The following RBM15B variants were observed in gnomAD, a reference collection of about 807,000 sequenced individuals.
RBM15B encodes the protein putative RNA-binding protein 15B.
Under a neutral mutation model 53.3 loss-of-function variants are expected in RBM15B, and 11 were observed. The observed-to-expected ratio is 0.21, with a 90% CI of 0.13 to 0.34. The LOEUF (loss-of-function observed/expected upper bound fraction) is 0.34, where lower values mean the gene tolerates loss of function less well. Among genes scored for constraint, RBM15B ranks in the 10% least tolerant of loss-of-function variants. The probability of loss-of-function intolerance (pLI) is 1.00; values close to 1 mark genes in which losing one functional copy is unlikely to be tolerated. For synonymous variants in RBM15B, 631 were observed against 540.7 expected (o/e 1.17, Z -2.32); for missense variants, 1,136 against 1,250.3 (o/e 0.91, Z 1.38).
rs2089098374 is a variant in RBM15B, at chr3:51,394,263, C to T, written c.*191C>T. 1.3e-6 allele frequency: 1 copy of T among 747,646 alleles called. No individual in the cohort carries two copies. The highest frequency in any genetic ancestry group is 1.9e-6 in the Non-Finnish European group (1 of 534,866). The allele number at this position is 747,646 out of a possible 1,614,324, so 46.3% of individuals were successfully genotyped here. On this transcript the variant is annotated 3_prime_UTR_variant, in exon 1 of 1. Coordinates refer to ENST00000563281, the MANE Select transcript of RBM15B (RefSeq NM_013286.5). ...ATTTTGGGGGATTTTTTTTTTTAAA[C>T]GATGAGAAGGGAATCCGGTTATGTT...
In RBM15B at chr3:51,392,513, G is replaced by A. The variant is rs1447625436; in HGVS notation, c.1114G>A (p.Ala372Thr). Residue 372 changes from alanine (A) to threonine (T), a missense_variant, in exon 1 of 1, where the codon GCC (alanine) becomes ACC (threonine). By Grantham distance (58) the Ala-to-Thr change is moderately conservative. This residue lies in a region of RBM15B where 40 missense variants were observed against 74.2 expected (regional missense o/e 0.54). Coordinates refer to ENST00000563281, the MANE Select transcript of RBM15B (RefSeq NM_013286.5). The surrounding 1 kb of genome is among the most constrained non-coding windows in gnomAD (Gnocchi z 7.5). ...CGAGGAGGTGGTCATCAAGAGGCCT[G>A]CCCGTGGCCAGGGCGGTGCCTATGC... Reference protein sequence around the residue: ...IIEEVVIKRPARGQGGAYAFL... With the variant: ...IIEEVVIKRPTRGQGGAYAFL... 2.2e-5 allele frequency: 35 copies of A among 1,613,886 alleles called. No homozygotes were observed. The highest frequency in any genetic ancestry group is 2.8e-5 in the Non-Finnish European group (33 of 1,180,026).
At position 51,394,547 on chromosome 3, in the gene RBM15B, C is replaced by T. The variant is rs528536092; in HGVS notation, c.*475C>T. ...CAATTCTTCAGGCTCAGTCTGGACT[C>T]TACTTACACTCATTTTTATCTTGGC... On this transcript the variant is annotated 3_prime_UTR_variant, in exon 1 of 1. Coordinates refer to ENST00000563281, the MANE Select transcript of RBM15B (RefSeq NM_013286.5). 1.2e-5 allele frequency: 2 copies of T among 163,680 alleles called. No homozygotes were observed. Among genetic ancestry groups the T allele is most frequent in the East Asian group, 4.5e-4 (2 of 4,410 alleles). 10.1% of individuals were successfully genotyped at this position (163,680 alleles called of 1,614,324 possible).
In RBM15B at chr3:51,395,713, T is replaced by G. The variant is rs2089156481; in HGVS notation, c.*1641T>G. On this transcript the variant is annotated 3_prime_UTR_variant, in exon 1 of 1. Coordinates refer to ENST00000563281, the MANE Select transcript of RBM15B (RefSeq NM_013286.5). ...AGGATAAGGTAGCATGAGTGACACC[T>G]GAGATTAGAGGCTGGGGCTCACTGC... is the stretch of plus-strand genomic sequence containing the variant. 1.8e-4 allele frequency: 72 copies of G among 409,400 alleles called. No individual in the cohort carries two copies. The highest frequency in any genetic ancestry group is 1.9e-4 in the Non-Finnish European group (42 of 223,838). 25.4% of individuals were successfully genotyped at this position (409,400 alleles called of 1,614,324 possible).
At position 51,395,870 on chromosome 3, in the gene RBM15B, A is replaced by ATGTT. The variant is rs2089167296; in HGVS notation, c.*1799_*1802dup. ...CATAACAAAACAGCAACACAAAGAC[A>ATGTT]TGTTAAGCATGTTTATTTATTTGCC... On this transcript the variant is annotated 3_prime_UTR_variant, in exon 1 of 1. Coordinates refer to ENST00000563281, the MANE Select transcript of RBM15B (RefSeq NM_013286.5). 2.4e-6 allele frequency: 1 copy of ATGTT among 413,402 alleles called. No homozygotes were observed. Among genetic ancestry groups the ATGTT allele is most frequent in the Admixed American group, 4.4e-5 (1 of 22,726 alleles). 25.6% of individuals were successfully genotyped at this position (413,402 alleles called of 1,614,324 possible).
At position 51,392,024 on chromosome 3, in the gene RBM15B, G is replaced by C. The variant is rs782452004; in HGVS notation, c.625G>C (p.Asp209His). 3 of 1,597,680 alleles carry C rather than the reference G, an allele frequency of 1.9e-6. No homozygotes were observed. The highest frequency in any genetic ancestry group is 2.5e-6 in the Non-Finnish European group (3 of 1,178,330). The stretch of plus-strand genomic sequence containing the variant: ...CCTGGCCCGGCAGCTGCTGCTCTAC[G>C]ACCGCCCGCTCAAGGTAGAGCCCGT... ...HALARQLLLY[D>H]RPLKVEPVYL... The change falls in exon 1 of 1, where the codon GAC (aspartate) becomes CAC (histidine). Residue 209 changes from aspartate (D) to histidine (H), a missense_variant. This residue lies in a region of RBM15B where 204 missense variants were observed against 196.8 expected (regional missense o/e 1.04). Coordinates refer to ENST00000563281, the MANE Select transcript of RBM15B (RefSeq NM_013286.5). The surrounding 1 kb of genome is among the most constrained non-coding windows in gnomAD (Gnocchi z 7.5).
rs1477268039 is a variant in RBM15B, at chr3:51,397,413, A to G, written c.*3341A>G. On this transcript the variant is annotated 3_prime_UTR_variant, in exon 1 of 1. Coordinates refer to ENST00000563281, the MANE Select transcript of RBM15B (RefSeq NM_013286.5). ...CAGGATGCTCAAGTCCACTGTCACA[A>G]TCCCTTTCAGAAAACATTAGTGGCC... is the stretch of plus-strand genomic sequence containing the variant. The G allele has an allele frequency of 6.0e-6, 1 of 167,078 alleles. No homozygotes were observed. Among genetic ancestry groups the G allele is most frequent in the African/African-American group, 2.4e-5 (1 of 41,442 alleles). The allele number at this position is 167,078 out of a possible 1,614,324, so 10.3% of individuals were successfully genotyped here.
Position 51,395,263 on chromosome 3 carries a change from A to AAAT in RBM15B, c.*1195_*1197dup, listed in dbSNP as rs1172025357. On this transcript the variant is annotated 3_prime_UTR_variant, in exon 1 of 1. Coordinates refer to ENST00000563281, the MANE Select transcript of RBM15B (RefSeq NM_013286.5). Reference sequence around the variant, plus strand: ...TGATGCCGAGGTGGAGACCATTGGGAAATAATTAATAGATATTTTTCTGGG... The same window carrying AAAT: ...TGATGCCGAGGTGGAGACCATTGGGAAATAATAATTAATAGATATTTTTCTGGG... The AAAT allele has an allele frequency of 2.4e-5, 4 of 167,004 alleles. No homozygotes were observed. The highest frequency in any genetic ancestry group is 2.1e-4 in the South Asian group (1 of 4,824). 10.3% of individuals were successfully genotyped at this position (167,004 alleles called of 1,614,324 possible).
In RBM15B at chr3:51,392,158, C is replaced by A; in HGVS notation, c.759C>A (p.Leu253=). ...PPAPADPLGY[L]PLHGGYQYKQ... ...CGCCCGCCGACCCGCTCGGCTACCT[C>A]CCGCTACACGGAGGCTACCAGTACA... The change falls in exon 1 of 1, where the codon CTC becomes CTA. Residue 253 remains leucine, a synonymous_variant. Transcript: ENST00000563281. This position sits in a 1 kb window ranked among gnomAD's most constrained non-coding sequence, Gnocchi z 7.5. 2.6e-6 allele frequency: 4 copies of A among 1,536,738 alleles called. No individual in the cohort carries two copies. Among genetic ancestry groups the A allele is most frequent in the Non-Finnish European group, 3.5e-6 (4 of 1,146,456 alleles).
chr3:51,393,188 A>G lies in RBM15B; in HGVS notation c.1789A>G (p.Arg597Gly). ...PKPWEERRKRRSLSSDRGRTT... is the reference protein window; with the variant it reads ...PKPWEERRKRGSLSSDRGRTT... ...GCCCTGGGAAGAGAGGCGGAAACGG[A>G]GAAGCCTTTCCAGTGACCGTGGGAG... Residue 597 changes from arginine (R) to glycine (G), a missense_variant, in exon 1 of 1, where the codon AGA (arginine) becomes GGA (glycine). By Grantham distance (125) the Arg-to-Gly change is moderately radical. This residue lies in a region of RBM15B where 578 missense variants were observed against 581.6 expected (regional missense o/e 0.99). Transcript: ENST00000563281. This position sits in a 1 kb window ranked among gnomAD's most constrained non-coding sequence, Gnocchi z 5.6. 6.2e-7 allele frequency: 1 copy of G among 1,613,996 alleles called. No homozygotes were observed. Among genetic ancestry groups the G allele is most frequent in the Non-Finnish European group, 8.5e-7 (1 of 1,179,892 alleles).
rs2089281414 is a variant in RBM15B at position 51,397,501 on chromosome 3, C to T, written c.*3429C>T. ...TCCTTAGCTTTGCCAACTCCATCCTCCAAAACTTCCCAGAATACCTCCCTT... is the reference window on the plus strand; with the variant it reads ...TCCTTAGCTTTGCCAACTCCATCCTTCAAAACTTCCCAGAATACCTCCCTT... On this transcript the variant is annotated 3_prime_UTR_variant, in exon 1 of 1. Transcript: ENST00000563281. 1 of 167,122 alleles carries T rather than the reference C, an allele frequency of 6.0e-6. No homozygotes were observed. 10.4% of individuals were successfully genotyped at this position (167,122 alleles called of 1,614,324 possible). A position where few individuals can be genotyped will look rare whatever the true frequency, so the allele number is the denominator to read the frequency against.
In RBM15B at chr3:51,394,092, G is replaced by T; in HGVS notation, c.*20G>T. 1 of 1,401,752 alleles carries T rather than the reference G, an allele frequency of 7.1e-7. No individual in the cohort carries two copies. 86.8% of individuals were successfully genotyped at this position (1,401,752 alleles called of 1,614,324 possible). A position where few individuals can be genotyped will look rare whatever the true frequency, so the allele number is the denominator to read the frequency against. On this transcript the variant is annotated 3_prime_UTR_variant, in exon 1 of 1. Coordinates refer to ENST00000563281, the MANE Select transcript of RBM15B (RefSeq NM_013286.5). Reference sequence around the variant, plus strand: ...GCCTAGCCCAAGCCTGTCTTTCCCAGCGTCATGTTTGTGTCACAAAAGCAG... The same window carrying T: ...GCCTAGCCCAAGCCTGTCTTTCCCATCGTCATGTTTGTGTCACAAAAGCAG...
chr3:51,393,399 A>G lies in RBM15B; in HGVS notation c.2000A>G (p.His667Arg). The stretch of plus-strand genomic sequence containing the variant: ...GGGGCTGAGGAACGGGGCCACCACC[A>G]CCACCACCACGAGGCTGCAGACTCT... ...RHGAEERGHH[H>R]HHHEAADSSH... The change falls in exon 1 of 1, where the codon CAC becomes CGC. Residue 667 changes from histidine to arginine, a missense_variant. Physicochemically the swap from His to Arg is conservative, Grantham distance 29 (BLOSUM62 0). Coordinates refer to ENST00000563281, the MANE Select transcript of RBM15B (RefSeq NM_013286.5). The surrounding 1 kb of genome is among the most constrained non-coding windows in gnomAD (Gnocchi z 5.6). The G allele has an allele frequency of 6.2e-7, 1 of 1,613,642 alleles. No homozygotes were observed. The highest frequency in any genetic ancestry group is 8.5e-7 in the Non-Finnish European group (1 of 1,179,906).
chr3:51,392,101 C>A lies in RBM15B; in HGVS notation c.702C>A (p.Ala234=). ...GSSRRSSSSS[A]AASTPPPGPP... is the part of the protein sequence containing the mutation. Reference sequence around the variant, plus strand: ...GTCGGCGAAGTAGCAGCAGCAGCGCCGCCGCTTCCACGCCTCCCCCAGGGC... The same window carrying A: ...GTCGGCGAAGTAGCAGCAGCAGCGCAGCCGCTTCCACGCCTCCCCCAGGGC... Residue 234 remains alanine (A), a synonymous_variant, in exon 1 of 1, where the codon GCC becomes GCA. Transcript: ENST00000563281. This position sits in a 1 kb window ranked among gnomAD's most constrained non-coding sequence, Gnocchi z 7.5. 1.3e-6 allele frequency: 2 copies of A among 1,544,554 alleles called. No homozygotes were observed. The highest frequency in any genetic ancestry group is 8.7e-7 in the Non-Finnish European group (1 of 1,152,182).
chr3:51,393,795 C>T lies in RBM15B; in HGVS notation c.2396C>T (p.Ala799Val). ...TATGCGGTCCTCTTAGCCACCCAGG[C>T]AACCCCCAGTGGGCTTGGCACTGAG... ...NGYAVLLATQ[A>V]TPSGLGTEGM... The change falls in exon 1 of 1, where the codon GCA becomes GTA. Residue 799 changes from alanine to valine, a missense_variant. Ala to Val is a moderately conservative substitution (Grantham distance 64). This residue lies in a region of RBM15B where 578 missense variants were observed against 581.6 expected (regional missense o/e 0.99). Coordinates refer to ENST00000563281, the MANE Select transcript of RBM15B (RefSeq NM_013286.5). The surrounding 1 kb of genome is among the most constrained non-coding windows in gnomAD (Gnocchi z 5.6). 3 of 1,613,728 alleles carry T rather than the reference C, an allele frequency of 1.9e-6. No individual in the cohort carries two copies. The highest frequency in any genetic ancestry group is 2.5e-6 in the Non-Finnish European group (3 of 1,179,996).
At position 51,391,921 on chromosome 3, in the gene RBM15B, G is replaced by A; in HGVS notation, c.522G>A (p.Ser174=). The A allele has an allele frequency of 1.2e-6, 2 of 1,602,942 alleles. No homozygotes were observed. The highest frequency in any genetic ancestry group is 1.7e-6 in the Non-Finnish European group (2 of 1,179,248). Residue 174 remains serine, a synonymous_variant, in exon 1 of 1, where the codon TCG becomes TCA. Coordinates refer to ENST00000563281, the MANE Select transcript of RBM15B (RefSeq NM_013286.5). This position sits in a 1 kb window ranked among gnomAD's most constrained non-coding sequence, Gnocchi z 4.5. ...TCGGCGAGATCAGCCTCCGCCTGTC[G>A]CACACGCCTGAGCTGGGCCGTGTGG... ...KRFGEISLRL[S]HTPELGRVAY...
In RBM15B at chr3:51,393,407, C is replaced by A. The variant is rs1460555836; in HGVS notation, c.2008C>A (p.His670Asn). 13 of 1,613,626 alleles carry A rather than the reference C, an allele frequency of 8.1e-6. No individual in the cohort carries two copies. The highest frequency in any genetic ancestry group is 1.1e-5 in the Non-Finnish European group (13 of 1,179,962). ...GGAACGGGGCCACCACCACCACCAC[C>A]ACGAGGCTGCAGACTCTTCCCACGG... Reference protein sequence around the residue: ...AEERGHHHHHHEAADSSHGKK... With the variant: ...AEERGHHHHHNEAADSSHGKK... The change falls in exon 1 of 1, where the codon CAC becomes AAC. Residue 670 changes from histidine (H) to asparagine (N), a missense_variant. His to Asn is a moderately conservative substitution (Grantham distance 68, BLOSUM62 1). This residue lies in a region of RBM15B where 578 missense variants were observed against 581.6 expected (regional missense o/e 0.99). Coordinates refer to ENST00000563281, the MANE Select transcript of RBM15B (RefSeq NM_013286.5). This position sits in a 1 kb window ranked among gnomAD's most constrained non-coding sequence, Gnocchi z 5.6.
rs1553621733 is a variant in RBM15B at position 51,392,283 on chromosome 3, C to A, written c.884C>A (p.Ala295Asp). ...GCCCTGGATGCCGCTGCTGCCGCCG[C>A]CGTGGGACTGTCCCGGGAGCGGGCC... ...AFALDAAAAA[A>D]VGLSRERALD... Residue 295 changes from alanine (A) to aspartate (D), a missense_variant, in exon 1 of 1, where the codon GCC (alanine) becomes GAC (aspartate). By Grantham distance (126) the Ala-to-Asp change is moderately radical (BLOSUM62 -2). This residue lies in a region of RBM15B where 204 missense variants were observed against 196.8 expected (regional missense o/e 1.04). Coordinates refer to ENST00000563281, the MANE Select transcript of RBM15B (RefSeq NM_013286.5). This position sits in a 1 kb window ranked among gnomAD's most constrained non-coding sequence, Gnocchi z 7.5. 3.7e-6 allele frequency: 6 copies of A among 1,606,290 alleles called. No individual in the cohort carries two copies. The highest frequency in any genetic ancestry group is 2.2e-5 in the East Asian group (1 of 44,790).
At position 51,391,665 on chromosome 3, in the gene RBM15B, G is replaced by T. The variant is rs1281162647; in HGVS notation, c.266G>T (p.Gly89Val). The change falls in exon 1 of 1, where the codon GGC becomes GTC. Residue 89 changes from glycine to valine, a missense_variant. Gly to Val is a moderately radical substitution (Grantham distance 109). Around this residue, in one of 7 missense-constraint regions of RBM15B, gnomAD observed 257 missense variants for 261.1 expected, o/e 0.98. Transcript: ENST00000563281. This position sits in a 1 kb window ranked among gnomAD's most constrained non-coding sequence, Gnocchi z 4.5. The stretch of plus-strand genomic sequence containing the variant: ...AGTAGCGGGCGCTCCTCGGGCTCCG[G>T]CGCTGGCGGCGGGGGACGCGGCGGC... Reference protein sequence around the residue: ...RASSGRSSGSGAGGGGRGGKA... With the variant: ...RASSGRSSGSVAGGGGRGGKA... The T allele has an allele frequency of 9.1e-6, 11 of 1,208,108 alleles. No individual in the cohort carries two copies. The Admixed American group carries it at 3.5e-4, about 39-fold the overall frequency. The allele number at this position is 1,208,108 out of a possible 1,614,324, so 74.8% of individuals were successfully genotyped here. A position where few individuals can be genotyped will look rare whatever the true frequency, so the allele number is the denominator to read the frequency against.
rs1383736988 is a variant in RBM15B at position 51,393,738 on chromosome 3, C to T, written c.2339C>T (p.Thr780Ile). The T allele has an allele frequency of 6.2e-6, 10 of 1,613,826 alleles. No individual in the cohort carries two copies. Among genetic ancestry groups the T allele is most frequent in the Non-Finnish European group, 8.5e-6 (10 of 1,180,014 alleles). The change falls in exon 1 of 1, where the codon ACA becomes ATA. Residue 780 changes from threonine (T) to isoleucine (I), a missense_variant. Physicochemically the swap from Thr to Ile is moderately conservative, Grantham distance 89. Coordinates refer to ENST00000563281, the MANE Select transcript of RBM15B (RefSeq NM_013286.5). This position sits in a 1 kb window ranked among gnomAD's most constrained non-coding sequence, Gnocchi z 5.6. ...GACCAGCCCAAGCTTGACGAGGTCA[C>T]ACGACGCATCAAGCAGGGGAGCCCC... ...RLDQPKLDEV[T>I]RRIKQGSPNG...
Sources: allele counts gnomAD v4.1 joint callset, GRCh38; gene constraint gnomAD v4.1.1; regional missense constraint gnomAD v4.1.1; non-coding constraint Gnocchi (gnomAD v3.1); transcripts MANE v1.5; gene names NCBI Gene and HGNC (gene_info 2026-07-23, HGNC 2026-07-21).